The following SCN2A variants were observed in gnomAD, a reference collection of about 807,000 sequenced individuals.
The protein encoded by SCN2A is sodium channel protein type 2 subunit alpha.
Under a neutral mutation model 188.7 loss-of-function variants are expected in SCN2A, and 20 were observed. The ratio of observed to expected loss-of-function variants is 0.11; its 90% CI spans 0.07 to 0.15. The LOEUF is 0.15. Among genes scored for constraint, SCN2A ranks in the 10% least tolerant of loss-of-function variants. The pLI is 1.00. For missense variants in SCN2A, 1,278 were observed against 2,445.0 expected, an observed-to-expected ratio of 0.52 and a Z score of 10.07; for synonymous variants, 804 against 833.1, an observed-to-expected ratio of 0.97 and a Z score of 0.60.
At chr2:165,296,927 A>C in intron 2 of SCN2A, 90 bp from the exon 3 acceptor site, 1 of 734,814 alleles carries the variant, frequency 1.4e-6, no homozygotes, top group Non-Finnish European at 2.4e-6. Context: ...TTACAGGGCA[A>C]TATTTATAAA....
chr2:165,306,643 G>T (rs1697155002), intron 3 of SCN2A, among the ~76,000 whole-genome samples: 1 of 151,540 alleles, frequency 6.6e-6, no homozygotes, highest in African/African-American at 2.4e-5. Flanking sequence ...AATTAAGCAT[G>T]GGCCTTACAG....
intron 16 of SCN2A, among the ~76,000 whole-genome samples, chr2:165,353,742 A>G (rs767604480): frequency 1.5e-4 from 23 of 152,122 alleles, no homozygotes; most frequent in Non-Finnish European, 3.2e-4. Context: ...ACTCACTAAC[A>G]TGAGGACAGC....
chr2:165,289,582 G>T (rs1254907767), intron 1 of SCN2A, among the ~76,000 whole-genome samples: 1 of 151,986 alleles, frequency 6.6e-6, no homozygotes, highest in Non-Finnish European at 1.5e-5. Flanking sequence ...ATGTCATATA[G>T]AACTCTCATA....
rs753398618 is a variant in SCN2A at position 165,309,140 on chromosome 2, G to A, written c.606-212G>A. ...GAAGACGTAGATTTCCCTAAATTCT[G>A]AATAACTCTGATTTAATTCTACAGG... is the stretch of plus-strand genomic sequence containing the variant. On this transcript the variant is annotated intron_variant, in intron 5 of 26. Coordinates refer to ENST00000375437, the MANE Select transcript of SCN2A (RefSeq NM_001040142.2). 7.5e-6 allele frequency: 12 copies of A among 1,610,480 alleles called. No individual in the cohort carries two copies. In the East Asian group the frequency reaches 2.2e-4, roughly 30 times the overall value.
At position 165,388,617 on chromosome 2, in the gene SCN2A, G is replaced by C; in HGVS notation, c.4823-12G>C. The C allele has an allele frequency of 6.2e-7, 1 of 1,613,580 alleles. No individual in the cohort carries two copies. ...TATAACAATATTTTTGTTATTTGTT[G>C]ATTTTCTACAGGAATGTTTCTGGCT... On this transcript the variant is annotated splice_polypyrimidine_tract_variant and intron_variant, in intron 26 of 26. Transcript: ENST00000375437.
chr2:165,378,380 A>G (rs938997704), intron 23 of SCN2A, among the ~76,000 whole-genome samples: 8 of 151,418 alleles, frequency 5.3e-5, no homozygotes, highest in Admixed American at 2.6e-4. Flanking sequence ...GCAAGAAAGC[A>G]TGAAAAGCCC....
chr2:165,353,170 G>A (rs754569314), intron 16 of SCN2A, among the ~76,000 whole-genome samples: 11 of 151,782 alleles, frequency 7.2e-5, no homozygotes, highest in Middle Eastern at 3.4e-3. Context: ...CTTATTCATG[G>A]CAATACTTCA....
intron 11 of SCN2A, among the ~76,000 whole-genome samples, chr2:165,316,574 A>G (rs1697761699): frequency 6.6e-6 from 1 of 152,202 alleles, no homozygotes. Context: ...AATTACAACA[A>G]CAACATTGAT....
chr2:165,378,540 G>A (rs1701434538), intron 23 of SCN2A, among the ~76,000 whole-genome samples: 1 of 151,616 alleles, frequency 6.6e-6, no homozygotes, highest in African/African-American at 2.4e-5. Context: ...TATTGTATAG[G>A]TGATACTAGC....
intron 1 of SCN2A, chr2:165,285,332 C>A (rs760332157): frequency 9.1e-5 from 15 of 165,724 alleles, no homozygotes; most frequent in Admixed American, 1.8e-4. Context: ...ATCAATGAGT[C>A]TCCTGAAGTT....
chr2:165,296,259 A>C, intron 2 of SCN2A, 169 bp downstream of exon 2: 1 of 677,784 alleles, frequency 1.5e-6, no homozygotes, highest in Non-Finnish European at 2.5e-6. Context: ...AGTCTTTTGG[A>C]AGCACTCATT....
chr2:165,272,676 A>G (rs1033084713), intron 1 of SCN2A: 1 of 152,000 alleles, frequency 6.6e-6, no homozygotes, highest in Non-Finnish European at 1.5e-5. Context: ...TTAGAAATCA[A>G]TTACAATTAG....
intron 13 of SCN2A, chr2:165,328,544 T>G: frequency 1.0e-6 from 1 of 982,058 alleles, no homozygotes; most frequent in Non-Finnish European, 1.2e-6. Flanking sequence ...ACAGGGTAAG[T>G]CTAAATCAAC....
In SCN2A at chr2:165,307,828, C is replaced by G; in HGVS notation, c.387-20C>G. The G allele has an allele frequency of 1.9e-6, 3 of 1,550,650 alleles. No individual in the cohort carries two copies. The highest frequency in any genetic ancestry group is 2.7e-6 in the Non-Finnish European group (3 of 1,122,504). On this transcript the variant is annotated intron_variant, in intron 3 of 26. Transcript: ENST00000375437. ...GTAAGATTTTTCCATTGAACTTTGT[C>G]TTCCTTGACGATATTCTACTTTATT...
Position 165,391,451 on chromosome 2 carries a change from G to A in SCN2A, c.*1627G>A, listed in dbSNP as rs968802061. On this transcript the variant is annotated 3_prime_UTR_variant, in exon 27 of 27. Coordinates refer to ENST00000375437, the MANE Select transcript of SCN2A (RefSeq NM_001040142.2). ...AAATTAAAAGTATCTTCAGGTGGAT[G>A]TCACAGTCACTATTGTTAGTTTCTG... 12 of 152,532 alleles carry A rather than the reference G, an allele frequency of 7.9e-5. No individual in the cohort carries two copies. Among genetic ancestry groups the A allele is most frequent in the African/African-American group, 2.4e-4 (10 of 41,454 alleles). 9.4% of individuals were successfully genotyped at this position (152,532 alleles called of 1,614,324 possible).
chr2:165,344,476 A>T (rs1303768051), intron 15 of SCN2A, 79 bp from the exon 16 acceptor site: 4 of 891,022 alleles, frequency 4.5e-6, no homozygotes, highest in Non-Finnish European at 6.1e-6. Context: ...AATAAAAAAT[A>T]AAAAAATAAA....
intron 14 of SCN2A, among the ~76,000 whole-genome samples, chr2:165,335,457 T>C (rs1251509626): frequency 6.6e-6 from 1 of 151,624 alleles, no homozygotes; most frequent in Non-Finnish European, 1.5e-5. Flanking sequence ...TCTTCATATT[T>C]ATGTTAAATT....
chr2:165,300,370 G>C (rs1380026231), intron 3 of SCN2A, among the ~76,000 whole-genome samples: 1 of 151,930 alleles, frequency 6.6e-6, no homozygotes, highest in Non-Finnish European at 1.5e-5. Flanking sequence ...ATTCATGTGA[G>C]TGTGTGTGTG....
chr2:165,336,710 T>C (rs927019347), intron 14 of SCN2A, among the ~76,000 whole-genome samples: 25 of 152,144 alleles, frequency 1.6e-4, no homozygotes, highest in Admixed American at 7.8e-4. Context: ...CTGAATTGCA[T>C]ACTAATATTT....
Sources: allele counts gnomAD v4.1 joint callset (sites outside exome capture counted in the v4.1 genomes callset), GRCh38; gene constraint gnomAD v4.1.1; transcripts MANE v1.5; gene names NCBI Gene and HGNC (gene_info 2026-07-23, HGNC 2026-07-21).